VAV2: variants seen among roughly 807,000 people sequenced by gnomAD.
VAV2 encodes guanine nucleotide exchange factor VAV2.
VAV2 carries 67 observed loss-of-function variants against 132.5 expected under a neutral mutation model. That is an observed-to-expected ratio of 0.51 (90% CI 0.42 to 0.62). The LOEUF is 0.62. VAV2 is among the 20% of genes least tolerant of loss of function. The pLI is 0.00. For synonymous variants in VAV2, 492 were observed against 443.5 expected (o/e 1.11, Z -1.37); for missense variants, 938 against 1,153.6 (o/e 0.81, Z 2.71).
At chr9:133,893,485 C>T (rs868833368) in intron 2 of VAV2, among the ~76,000 whole-genome samples, 8 of 152,338 alleles carry the variant, frequency 5.3e-5, no homozygotes, top group South Asian at 4.1e-4. Context: ...CTGCCCCGCA[C>T]GGCCGCCTAC....
At chr9:133,924,098 C>A (rs1840388154) in intron 2 of VAV2, among the ~76,000 whole-genome samples, 5 of 152,044 alleles carry the variant, frequency 3.3e-5, no homozygotes, top group Admixed American at 3.3e-4. Context: ...ATGTATCAAA[C>A]CTGCAGATTG....
At chr9:133,944,876 G>T (rs1317039205) in intron 1 of VAV2, among the ~76,000 whole-genome samples, 3 of 152,192 alleles carry the variant, frequency 2.0e-5, no homozygotes, top group African/African-American at 7.2e-5. Context: ...TCCCAGGAGA[G>T]CTCGGGCAAG....
At chr9:133,931,196 C>G (rs1341340770) in intron 2 of VAV2, among the ~76,000 whole-genome samples, 2 of 152,170 alleles carry the variant, frequency 1.3e-5, no homozygotes, top group Non-Finnish European at 2.9e-5. Context: ...TCAGGGCAGG[C>G]CCTGCTGGGC....
At chr9:133,830,853 G>C (rs1042804309) in intron 4 of VAV2, among the ~76,000 whole-genome samples, 4 of 151,912 alleles carry the variant, frequency 2.6e-5, no homozygotes, top group African/African-American at 7.3e-5. Context: ...AGGAGGAGGG[G>C]GAAAAACAAC....
chr9:133,795,770 C>T, intron 11 of VAV2, 34 bp from the exon 12 acceptor site: 4 of 1,607,720 alleles, frequency 2.5e-6, no homozygotes, highest in South Asian at 1.1e-5. Context: ...TGTGTTACCA[C>T]TCGGGGGTTC....
At chr9:133,952,605 G>A (rs1841598262) in intron 1 of VAV2, among the ~76,000 whole-genome samples, 1 of 123,648 alleles carries the variant, frequency 8.1e-6, no homozygotes, top group African/African-American at 2.8e-5. Context: ...TCTGTCTCGG[G>A]GAAAAAAAAA....
intron 2 of VAV2, among the ~76,000 whole-genome samples, chr9:133,929,461 C>T (rs913309865): frequency 6.6e-6 from 1 of 152,084 alleles, no homozygotes; most frequent in Non-Finnish European, 1.5e-5. Flanking sequence ...ATTCGAGGTG[C>T]CTGCCCTGGC....
intron 3 of VAV2, among the ~76,000 whole-genome samples, chr9:133,842,004 A>G (rs2131812341): frequency 6.6e-6 from 1 of 152,320 alleles, no homozygotes; most frequent in East Asian, 1.9e-4. Flanking sequence ...TGGCTCAGGC[A>G]GGGCACCCCA....
Position 133,806,794 on chromosome 9 carries a change from C to T in VAV2, c.735+464G>A, listed in dbSNP as rs140229779. Among the ~76,000 whole-genome samples, 525 of 152,348 alleles carry T rather than the reference C, an allele frequency of 3.4e-3. 1 individual carries two copies. The highest frequency in any genetic ancestry group is 5.2e-3 in the Non-Finnish European group (351 of 68,022). On this transcript the variant is annotated intron_variant, in intron 8 of 29. Transcript: ENST00000371850. ...GGAAGGGCCAGGAGCAGCATGTCCC[C>T]GGAGGAAGCCCACCCATGCACGGCT...
At chr9:133,808,011 G>C (rs752945248) in intron 7 of VAV2, among the ~76,000 whole-genome samples, 1 of 152,262 alleles carries the variant, frequency 6.6e-6, no homozygotes, top group African/African-American at 2.4e-5. Context: ...GTCACCACGT[G>C]GCACAGAGAG....
At chr9:133,836,618 G>C (rs1836482962) in intron 3 of VAV2, among the ~76,000 whole-genome samples, 1 of 152,220 alleles carries the variant, frequency 6.6e-6, no homozygotes, top group African/African-American at 2.4e-5. Flanking sequence ...AATGTAGAGA[G>C]GGAAGAGAAA....
chr9:133,879,164 C>T lies in VAV2; in HGVS notation c.322-17732G>A, dbSNP rs1316187674. Among the ~76,000 whole-genome samples the T allele has an allele frequency of 3.9e-5, 6 of 152,218 alleles. No individual in the cohort carries two copies. Among genetic ancestry groups the T allele is most frequent in the South Asian group, 2.1e-4 (1 of 4,834 alleles). ...CTCAGCTGCAGACTCGCAGCAGTGC[C>T]GGAGCTCTCTGCGCCCCAGGCCCTC... On this transcript the variant is annotated intron_variant, in intron 2 of 29. Coordinates refer to ENST00000371850, the MANE Select transcript of VAV2 (RefSeq NM_001134398.2). The surrounding 1 kb of genome is among the most constrained non-coding windows in gnomAD (Gnocchi z 4.4).
At chr9:133,950,161 G>T (rs1255953883) in intron 1 of VAV2, among the ~76,000 whole-genome samples, 2 of 152,224 alleles carry the variant, frequency 1.3e-5, no homozygotes, top group East Asian at 3.8e-4. Context: ...CCTGGCACAG[G>T]CAGGCAGGGC....
chr9:133,784,907 C>T (rs563964470), intron 17 of VAV2, among the ~76,000 whole-genome samples: 3 of 152,150 alleles, frequency 2.0e-5, no homozygotes, highest in South Asian at 2.1e-4. Context: ...ATGGCGGCAG[C>T]GTGGTGAGAA....
Position 133,788,594 on chromosome 9 carries a change from G to A in VAV2, c.1275-108C>T. 1 of 1,473,048 alleles carries A rather than the reference G, an allele frequency of 6.8e-7. No individual in the cohort carries two copies. Among genetic ancestry groups the A allele is most frequent in the East Asian group, 2.4e-5 (1 of 42,344 alleles). 91.2% of individuals were successfully genotyped at this position (1,473,048 alleles called of 1,614,324 possible). On this transcript the variant is annotated intron_variant, in intron 14 of 29. Transcript: ENST00000371850. This position sits in a 1 kb window ranked among gnomAD's most constrained non-coding sequence, Gnocchi z 5.3. ...GCTCTGGCACGCGGCTCCCTCTCCG[G>A]GCGAGCCCTGCCCTCACCTGGCTCA...
intron 3 of VAV2, among the ~76,000 whole-genome samples, chr9:133,851,972 G>T (rs2131840909): frequency 6.6e-6 from 1 of 151,692 alleles, no homozygotes; most frequent in African/African-American, 2.4e-5. Flanking sequence ...TGGATGGAAG[G>T]ATGGATGAAT....
chr9:133,816,070 T>A (rs1835548239), intron 4 of VAV2, among the ~76,000 whole-genome samples: 1 of 152,212 alleles, frequency 6.6e-6, no homozygotes, highest in African/African-American at 2.4e-5. Context: ...GTGGTTCTAT[T>A]TGGCACTTTC....
In VAV2 at chr9:133,910,777, T is replaced by C. The variant is rs1418965713; in HGVS notation, c.321+28326A>G. Among the ~76,000 whole-genome samples, 3 of 148,126 alleles carry C rather than the reference T, an allele frequency of 2.0e-5. No homozygotes were observed. The East Asian group carries it at 5.9e-4, about 29-fold the overall frequency. ...AGGTGGAGCTTGCAGTGAGCCGAGA[T>C]TGCACCACTGCACCCCAGCCTGGGC... On this transcript the variant is annotated intron_variant, in intron 2 of 29. Transcript: ENST00000371850.
intron 2 of VAV2, among the ~76,000 whole-genome samples, chr9:133,898,510 C>T (rs533923112): frequency 5.4e-4 from 82 of 152,152 alleles, no homozygotes; most frequent in African/African-American, 1.9e-3. Flanking sequence ...AGGAGAATCA[C>T]TTGAACCCAG....
Sources: allele counts gnomAD v4.1 joint callset (sites outside exome capture counted in the v4.1 genomes callset), GRCh38; gene constraint gnomAD v4.1.1; non-coding constraint Gnocchi (gnomAD v3.1); transcripts MANE v1.5; gene names NCBI Gene and HGNC (gene_info 2026-07-23, HGNC 2026-07-21).